Variants in FANCC observed in about 807,000 individuals in gnomAD.
FANCC encodes the protein Fanconi anemia group C protein.
Under a neutral mutation model 71.3 loss-of-function variants are expected in FANCC, and 55 were observed. That is an observed-to-expected ratio of 0.77 (90% CI 0.62 to 0.97). The LOEUF (loss-of-function observed/expected upper bound fraction) is 0.97. Among genes scored for constraint, FANCC ranks in the 50% least tolerant of loss-of-function variants. FANCC has a pLI of 0.00. For synonymous variants in FANCC, 275 were observed against 244.9 expected (o/e 1.12, Z -1.15); for missense variants, 678 against 670.9 (o/e 1.01, Z -0.12).
Position 95,172,113 on chromosome 9 carries a change from A to G in FANCC, c.380T>C (p.Phe127Ser). 6.2e-7 allele frequency: 1 copy of G among 1,612,968 alleles called. No individual in the cohort carries two copies. The highest frequency in any genetic ancestry group is 8.5e-7 in the Non-Finnish European group (1 of 1,179,044). ...VLSHILSALR[F>S]DKEVALFTQG... is the part of the protein sequence containing the mutation. ...AGTGAAAAGAGCAACTTCTTTATCAAATCTGAGTGCTGAAAGTATATGAGA... is the reference window on the plus strand; with the variant it reads ...AGTGAAAAGAGCAACTTCTTTATCAGATCTGAGTGCTGAAAGTATATGAGA... Residue 127 changes from phenylalanine (F) to serine (S), a missense_variant, in exon 5 of 15, where the codon TTT becomes TCT. Phe to Ser is a radical substitution (Grantham distance 155, BLOSUM62 -2). Transcript: ENST00000289081.
At chr9:95,123,708 T>G (rs1021740023) in intron 10 of FANCC, 1 of 687,698 alleles carries the variant, frequency 1.5e-6, no homozygotes, top group African/African-American at 1.8e-5. Context: ...GATGCCTATG[T>G]GCTTCCCAAG....
chr9:95,116,123 C>T (rs966310957), intron 11 of FANCC, among the ~76,000 whole-genome samples: 1 of 152,268 alleles, frequency 6.6e-6, no homozygotes, highest in African/African-American at 2.4e-5. Flanking sequence ...TGGGCCCATG[C>T]CCATGCACCA....
At chr9:95,211,526 T>C (rs908001467) in intron 4 of FANCC, among the ~76,000 whole-genome samples, 2 of 152,204 alleles carry the variant, frequency 1.3e-5, no homozygotes, top group African/African-American at 4.8e-5. Context: ...AAGGCCACTA[T>C]AGACCTGCCC....
chr9:95,309,588 A>G (rs1472984138), intron 1 of FANCC, among the ~76,000 whole-genome samples: 1 of 152,226 alleles, frequency 6.6e-6, no homozygotes, highest in Non-Finnish European at 1.5e-5. Context: ...ATCAATTACA[A>G]TGTATAATCT....
At chr9:95,200,488 G>A (rs1827738959) in intron 4 of FANCC, among the ~76,000 whole-genome samples, 1 of 152,172 alleles carries the variant, frequency 6.6e-6, no homozygotes, top group African/African-American at 2.4e-5. Context: ...CTATCAAGGA[G>A]GTCTAAGCAG....
At chr9:95,292,803 A>T (rs879353351) in intron 1 of FANCC, 3 of 1,565,446 alleles carry the variant, frequency 1.9e-6, no homozygotes, top group Non-Finnish European at 2.6e-6. Context: ...ACAGCACTTT[A>T]TGAAAATCCA....
chr9:95,185,116 G>A (rs1449755351), intron 4 of FANCC, among the ~76,000 whole-genome samples: 2 of 152,140 alleles, frequency 1.3e-5, no homozygotes, highest in Non-Finnish European at 2.9e-5. Context: ...AACTATTATA[G>A]AAATAAGATA....
chr9:95,260,439 A>G (rs1366322860), intron 1 of FANCC, among the ~76,000 whole-genome samples: 2 of 152,184 alleles, frequency 1.3e-5, no homozygotes, highest in Non-Finnish European at 2.9e-5. Context: ...CAACACAGGA[A>G]CAGAAAACCA....
At chr9:95,173,837 G>A (rs1194550728) in intron 4 of FANCC, among the ~76,000 whole-genome samples, 2 of 152,258 alleles carry the variant, frequency 1.3e-5, no homozygotes, top group South Asian at 2.1e-4. Context: ...AGGATCACTC[G>A]AGCTCCAGAA....
At chr9:95,313,811 G>A (rs2136434182) in intron 1 of FANCC, among the ~76,000 whole-genome samples, 1 of 152,252 alleles carries the variant, frequency 6.6e-6, no homozygotes, top group Admixed American at 6.5e-5. Context: ...ACACAAATCA[G>A]TTAATAAATC....
rs139147547 is a variant in FANCC, at chr9:95,202,070, C to A, written c.346-29923G>T. 7.9e-5 allele frequency among the ~76,000 whole-genome samples: 12 copies of A among 152,314 alleles called. No homozygotes were observed. The East Asian group carries it at 2.3e-3, about 29-fold the overall frequency. On this transcript the variant is annotated intron_variant, in intron 4 of 14. Coordinates refer to ENST00000289081, the MANE Select transcript of FANCC (RefSeq NM_000136.3). ...CTGAAAAAATCAATTAGGTGTTTGG[C>A]AGCACTCAAAAAACAGCCTAATAAG... is the stretch of plus-strand genomic sequence containing the variant.
intron 1 of FANCC, among the ~76,000 whole-genome samples, chr9:95,302,762 C>A (rs1034668823): frequency 3.3e-5 from 5 of 152,192 alleles, no homozygotes; most frequent in Admixed American, 2.6e-4. Flanking sequence ...TCCTGCAATT[C>A]TCTGTCCTAC....
chr9:95,263,535 T>C (rs1339043231), intron 1 of FANCC, among the ~76,000 whole-genome samples: 3 of 146,398 alleles, frequency 2.0e-5, no homozygotes, highest in Non-Finnish European at 4.5e-5. Flanking sequence ...TATATAGATA[T>C]AGATAGATAG....
chr9:95,176,523 T>A (rs1250613855), intron 4 of FANCC, among the ~76,000 whole-genome samples: 1 of 152,234 alleles, frequency 6.6e-6, no homozygotes, highest in Non-Finnish European at 1.5e-5. Context: ...CTTGTGAGAA[T>A]TGACTTCTTG....
At chr9:95,120,404 G>A (rs1409317095) in intron 10 of FANCC, among the ~76,000 whole-genome samples, 1 of 151,298 alleles carries the variant, frequency 6.6e-6, no homozygotes, top group South Asian at 2.1e-4. Flanking sequence ...TGATTACAAT[G>A]GCTTTTAAAA....
At chr9:95,297,050 G>A (rs1834420009) in intron 1 of FANCC, among the ~76,000 whole-genome samples, 1 of 152,194 alleles carries the variant, frequency 6.6e-6, no homozygotes, top group Admixed American at 6.5e-5. Flanking sequence ...CAGACTAAGT[G>A]GAGCACTTAA....
chr9:95,312,704 A>T (rs1415471613), intron 1 of FANCC, among the ~76,000 whole-genome samples: 1 of 152,258 alleles, frequency 6.6e-6, no homozygotes, highest in Non-Finnish European at 1.5e-5. Flanking sequence ...GCTGGCTAGT[A>T]AGAAGTACAG....
chr9:95,150,392 G>T (rs986187508), intron 6 of FANCC, among the ~76,000 whole-genome samples: 2 of 152,096 alleles, frequency 1.3e-5, no homozygotes, highest in Non-Finnish European at 2.9e-5. Context: ...TTTCCCCAGT[G>T]CTATCTTGTT....
At chr9:95,172,235 G>T in intron 4 of FANCC, 88 bp from the exon 5 acceptor site, 2 of 797,436 alleles carry the variant, frequency 2.5e-6, no homozygotes, top group Non-Finnish European at 4.2e-6. Context: ...ATTTGTACAT[G>T]GGGGTGGTCT....
Sources: gnomAD v4.1 joint callset for allele counts (sites outside exome capture counted in the v4.1 genomes callset) on GRCh38, gnomAD v4.1.1 for gene constraint, MANE v1.5 for transcripts, NCBI Gene and HGNC (gene_info 2026-07-23, HGNC 2026-07-21) for gene names.